Variants in CSGALNACT1 observed in about 807,000 individuals in gnomAD.
CSGALNACT1 encodes the protein beta4GalNAcT-1.
CSGALNACT1 carries 52 observed loss-of-function variants against 51.0 expected under a neutral mutation model. That is an observed-to-expected ratio of 1.02 (90% confidence interval 0.82 to 1.29). CSGALNACT1 has a LOEUF of 1.29. Among genes scored for constraint, CSGALNACT1 ranks in the 50% most tolerant of loss-of-function variants. The pLI is 0.00. For missense variants in CSGALNACT1, 935 were observed against 679.2 expected (o/e 1.38, Z -4.19); for synonymous variants, 341 against 254.4 (o/e 1.34, Z -3.24).
intron 1 of CSGALNACT1, among the ~76,000 whole-genome samples, chr8:19,756,554 C>T (rs2065391054): frequency 6.6e-6 from 1 of 152,120 alleles, no homozygotes; most frequent in Non-Finnish European, 1.5e-5. Context: ...TACAGCTTTC[C>T]TCTCCTCCCC....
At chr8:19,624,491 T>C (rs2054205588) in intron 1 of CSGALNACT1, among the ~76,000 whole-genome samples, 1 of 152,162 alleles carries the variant, frequency 6.6e-6, no homozygotes, top group African/African-American at 2.4e-5. Flanking sequence ...CAACACAGTA[T>C]ATTAATTGGA....
chr8:19,595,975 G>C (rs965979581), intron 2 of CSGALNACT1, among the ~76,000 whole-genome samples: 1 of 150,536 alleles, frequency 6.6e-6, no homozygotes, highest in African/African-American at 2.4e-5. Flanking sequence ...GGGATCCTCC[G>C]ACTCTAGCCT....
intron 3 of CSGALNACT1, among the ~76,000 whole-genome samples, chr8:19,520,190 C>T (rs1319878236): frequency 6.6e-6 from 1 of 152,214 alleles, no homozygotes; most frequent in Non-Finnish European, 1.5e-5. Flanking sequence ...TAGAACGGGA[C>T]TACAGAATGC....
intron 3 of CSGALNACT1, among the ~76,000 whole-genome samples, chr8:19,507,324 C>G (rs189503921): frequency 4.6e-5 from 7 of 152,098 alleles, no homozygotes; most frequent in Non-Finnish European, 8.8e-5. Flanking sequence ...AATACTCAGA[C>G]GGGTCCCAGG....
intron 3 of CSGALNACT1, among the ~76,000 whole-genome samples, chr8:19,559,177 A>G (rs1197759318): frequency 2.0e-5 from 3 of 152,208 alleles, no homozygotes; most frequent in African/African-American, 7.2e-5. Flanking sequence ...GAACATGGAT[A>G]CAAAGCCCCA....
intron 3 of CSGALNACT1, among the ~76,000 whole-genome samples, chr8:19,525,997 G>A (rs1428900989): frequency 3.3e-5 from 5 of 152,116 alleles, no homozygotes; most frequent in Non-Finnish European, 7.3e-5. Context: ...TGCAAGAATG[G>A]GGAAACTAGC....
At chr8:19,621,613 CA>C (rs1256400279) in intron 1 of CSGALNACT1, among the ~76,000 whole-genome samples, 2 of 151,804 alleles carry the variant, frequency 1.3e-5, no homozygotes, top group Non-Finnish European at 2.9e-5. Context: ...CCAGTCTCTA[CA>C]AAAAATATTT....
In CSGALNACT1 at chr8:19,451,990, T is replaced by G. The variant is rs1208995874; in HGVS notation, c.851+6436A>C. 2.0e-5 allele frequency among the ~76,000 whole-genome samples: 3 copies of G among 152,312 alleles called. 1 individual carries two copies. In the East Asian group the frequency reaches 5.8e-4, roughly 29 times the overall value. ...GGTGATGCATGGGAAGGATAATGCT[T>G]TAAATACATTAATCTGAAATAGCAA... On this transcript the variant is annotated intron_variant, in intron 5 of 9. Transcript: ENST00000454498.
At chr8:19,720,061 G>A in intron 1 of CSGALNACT1, among the ~76,000 whole-genome samples, 1 of 152,180 alleles carries the variant, frequency 6.6e-6, no homozygotes, top group Non-Finnish European at 1.5e-5. Context: ...AGGTACAAGA[G>A]CCATTTTGCA....
chr8:19,723,356 T>G (rs1164869288), intron 1 of CSGALNACT1, among the ~76,000 whole-genome samples: 2 of 152,184 alleles, frequency 1.3e-5, no homozygotes, highest in Non-Finnish European at 2.9e-5. Flanking sequence ...CATCTTGAGG[T>G]GCGGATTCTT....
intron 4 of CSGALNACT1, among the ~76,000 whole-genome samples, chr8:19,494,587 C>T (rs2075098163): frequency 6.6e-6 from 1 of 152,206 alleles, no homozygotes; most frequent in African/African-American, 2.4e-5. Context: ...GAACAAAGAA[C>T]ACTGAATATC....
At chr8:19,597,817 G>A (rs941960667) in intron 2 of CSGALNACT1, among the ~76,000 whole-genome samples, 2 of 152,218 alleles carry the variant, frequency 1.3e-5, no homozygotes, top group African/African-American at 4.8e-5. Context: ...TGTTTGTGAA[G>A]TAGGAACATA....
chr8:19,489,433 T>A (rs924915369), intron 4 of CSGALNACT1, among the ~76,000 whole-genome samples: 1 of 152,208 alleles, frequency 6.6e-6, no homozygotes, highest in Non-Finnish European at 1.5e-5. Context: ...CATCCTTTCC[T>A]CTGGTCTCAA....
chr8:19,730,570 G>A (rs554110867), intron 1 of CSGALNACT1, among the ~76,000 whole-genome samples: 4 of 152,276 alleles, frequency 2.6e-5, no homozygotes, highest in East Asian at 1.9e-4. Context: ...TGAACCCACC[G>A]GAAGGAATAA....
intron 3 of CSGALNACT1, among the ~76,000 whole-genome samples, chr8:19,526,735 A>C (rs1384594759): frequency 6.6e-6 from 1 of 152,200 alleles, no homozygotes; most frequent in African/African-American, 2.4e-5. Flanking sequence ...AATTTAATAG[A>C]AAAAGCTCCA....
At chr8:19,696,673 C>T (rs1481899473) in intron 1 of CSGALNACT1, among the ~76,000 whole-genome samples, 1 of 152,166 alleles carries the variant, frequency 6.6e-6, no homozygotes, top group Non-Finnish European at 1.5e-5. Context: ...AGTTTCCCAA[C>T]TGTTAAATGA....
At position 19,757,278 on chromosome 8, in the gene CSGALNACT1, A is replaced by G. The variant is rs2065461948; in HGVS notation, c.-297+572T>C. 6.7e-6 allele frequency: 1 copy of G among 149,292 alleles called. No individual in the cohort carries two copies. Among genetic ancestry groups the G allele is most frequent in the African/African-American group, 2.5e-5 (1 of 40,740 alleles). The allele number at this position is 149,292 out of a possible 1,614,324, so 9.2% of individuals were successfully genotyped here. Reference sequence around the variant, plus strand: ...GCGCGGCCGCCGCGGACTCGGCTCCACCTCCCGCTCCGGCAGCCGCGGAGC... The same window carrying G: ...GCGCGGCCGCCGCGGACTCGGCTCCGCCTCCCGCTCCGGCAGCCGCGGAGC... On this transcript the variant is annotated intron_variant, in intron 1 of 1. Transcript: ENST00000517494. The surrounding 1 kb of genome is among the most constrained non-coding windows in gnomAD (Gnocchi z 4.0).
At chr8:19,710,514 C>T (rs1381100613) in intron 1 of CSGALNACT1, among the ~76,000 whole-genome samples, 2 of 152,098 alleles carry the variant, frequency 1.3e-5, no homozygotes, top group African/African-American at 4.8e-5. Context: ...GTACATTGGT[C>T]AGAAATATTT....
At chr8:19,755,302 T>C (rs1415376206) in intron 1 of CSGALNACT1, among the ~76,000 whole-genome samples, 1 of 152,000 alleles carries the variant, frequency 6.6e-6, no homozygotes, top group Non-Finnish European at 1.5e-5. Flanking sequence ...CTCCTTATTT[T>C]CAACACCTAT....
Sources: allele counts gnomAD v4.1 joint callset (sites outside exome capture counted in the v4.1 genomes callset), GRCh38; gene constraint gnomAD v4.1.1; non-coding constraint Gnocchi (gnomAD v3.1); transcripts MANE v1.5; gene names NCBI Gene and HGNC (gene_info 2026-07-23, HGNC 2026-07-21).